The following EDAR variants were observed in gnomAD, a reference collection of about 807,000 sequenced individuals.
EDAR encodes the protein tumor necrosis factor receptor superfamily member EDAR.
A neutral mutation model predicts 51.3 loss-of-function variants in EDAR; 38 were observed. That is an observed-to-expected ratio of 0.74 (90% CI 0.57 to 0.97). The LOEUF is 0.97. EDAR is among the 50% of genes least tolerant of loss of function. The probability of loss-of-function intolerance (pLI) is 0.00; values close to 1 mark genes in which losing one functional copy is unlikely to be tolerated. For synonymous variants in EDAR, 227 were observed against 242.1 expected (o/e 0.94, Z 0.58); for missense variants, 528 against 595.0 (o/e 0.89, Z 1.17).
chr2:108,902,254 T>C (rs939341869), intron 11 of EDAR, among the ~76,000 whole-genome samples: 3 of 150,900 alleles, frequency 2.0e-5, no homozygotes, highest in African/African-American at 7.3e-5. Flanking sequence ...CATGTGCCTA[T>C]AATCCCAGCT....
intron 1 of EDAR, among the ~76,000 whole-genome samples, chr2:108,931,684 A>G (rs1008888208): frequency 4.6e-5 from 7 of 151,978 alleles, no homozygotes; most frequent in Non-Finnish European, 8.8e-5. Context: ...AACTATTAAT[A>G]TTACACGAAT....
intron 6 of EDAR, 128 bp from the exon 7 acceptor site, chr2:108,911,200 G>C: frequency 1.7e-6 from 2 of 1,194,596 alleles, no homozygotes; most frequent in South Asian, 2.6e-5. Flanking sequence ...TGAAATCTGA[G>C]GTGCTTGCTT....
intron 10 of EDAR, among the ~76,000 whole-genome samples, chr2:108,907,094 C>T (rs1696820807): frequency 6.6e-6 from 1 of 152,240 alleles, no homozygotes; most frequent in Non-Finnish European, 1.5e-5. Flanking sequence ...CTCACCCCTG[C>T]CCTGCTCCTG....
chr2:108,912,724 G>A lies in EDAR; in HGVS notation c.483C>T (p.Gly161=), dbSNP rs748598744. The A allele has an allele frequency of 6.9e-6, 11 of 1,602,830 alleles. No homozygotes were observed. The highest frequency in any genetic ancestry group is 1.7e-4 in the Middle Eastern group (1 of 6,048). The change falls in exon 6 of 12, where the codon GGC becomes GGT. Residue 161 remains glycine, a synonymous_variant. Coordinates refer to ENST00000258443, the MANE Select transcript of EDAR (RefSeq NM_022336.4). The stretch of plus-strand genomic sequence containing the variant: ...GAGACAGGGTGCTGCTGCCCGAGGT[G>A]CCAGGGAAGTTGGCAGAAGCTCCTG... ...ATSGASANFP[G]TSGSSTLSPF...
intron 1 of EDAR, among the ~76,000 whole-genome samples, chr2:108,971,235 T>G (rs1174036566): frequency 6.6e-6 from 1 of 152,166 alleles, no homozygotes; most frequent in Non-Finnish European, 1.5e-5. Flanking sequence ...TTTTTATATC[T>G]TTATATTTCT....
At chr2:108,974,593 G>GGT (rs1698290750) in intron 1 of EDAR, among the ~76,000 whole-genome samples, 1 of 151,906 alleles carries the variant, frequency 6.6e-6, no homozygotes. Flanking sequence ...AGCTGGGCAT[G>GGT]GTGGTGTGTG....
intron 1 of EDAR, among the ~76,000 whole-genome samples, chr2:108,961,079 A>G (rs908901166): frequency 2.0e-5 from 3 of 152,214 alleles, no homozygotes; most frequent in African/African-American, 7.2e-5. Context: ...GTGAGCACGC[A>G]TGGATGCAGA....
At chr2:108,957,514 A>C (rs1697949547) in intron 1 of EDAR, among the ~76,000 whole-genome samples, 1 of 152,230 alleles carries the variant, frequency 6.6e-6, no homozygotes. Context: ...TGGTTCTATC[A>C]GGTTCTGCCT....
chr2:108,950,276 TTTC>T (rs975090075), intron 1 of EDAR, among the ~76,000 whole-genome samples: 17 of 149,500 alleles, frequency 1.1e-4, no homozygotes, highest in Admixed American at 2.7e-4. Context: ...TTTTTCTTTC[TTTC>T]TTTTTTTTCT....
chr2:108,917,071 G>A (rs1697041724), intron 5 of EDAR, among the ~76,000 whole-genome samples: 1 of 152,214 alleles, frequency 6.6e-6, no homozygotes. Flanking sequence ...AGGGAGAGGA[G>A]CAAAGACCCT....
intron 1 of EDAR, among the ~76,000 whole-genome samples, chr2:108,956,795 T>C (rs113831184): frequency 6.6e-6 from 1 of 152,088 alleles, no homozygotes; most frequent in Admixed American, 6.5e-5. Context: ...TTTTTTTTTT[T>C]GTTTTTTTTG....
intron 1 of EDAR, among the ~76,000 whole-genome samples, chr2:108,988,061 C>T (rs987543832): frequency 6.6e-6 from 1 of 152,174 alleles, no homozygotes; most frequent in Non-Finnish European, 1.5e-5. Flanking sequence ...GGGAAGAGGA[C>T]GGTGGTGCTC....
In EDAR at chr2:108,973,020, CTT is replaced by C. The variant is rs910819892; in HGVS notation, c.-19+15938_-19+15939del. On this transcript the variant is annotated intron_variant, in intron 1 of 11. Coordinates refer to ENST00000258443, the MANE Select transcript of EDAR (RefSeq NM_022336.4). ...TTTTTTTTTGAGATGGAGTTTCACT[CTT>C]GTCATCCAGGCTAGACTGCAGTGGC... 7.2e-5 allele frequency among the ~76,000 whole-genome samples: 11 copies of C among 151,870 alleles called. 1 individual carries two copies. Among genetic ancestry groups the C allele is most frequent in the African/African-American group, 2.2e-4 (9 of 41,318 alleles).
At chr2:108,943,450 C>T (rs1697647969) in intron 1 of EDAR, among the ~76,000 whole-genome samples, 1 of 152,198 alleles carries the variant, frequency 6.6e-6, no homozygotes, top group Non-Finnish European at 1.5e-5. Context: ...GTATTCATCT[C>T]TCTACCCTGT....
At chr2:108,926,902 T>A (rs921823925) in intron 4 of EDAR, among the ~76,000 whole-genome samples, 3 of 152,126 alleles carry the variant, frequency 2.0e-5, no homozygotes, top group Non-Finnish European at 2.9e-5. Flanking sequence ...CTGCCAAGAC[T>A]CCTGTGATCC....
Position 108,894,693 on chromosome 2 carries a change from AT to A in EDAR, c.*2213del, listed in dbSNP as rs1290714677. 2 of 152,480 alleles carry A rather than the reference AT, an allele frequency of 1.3e-5. No homozygotes were observed. Among genetic ancestry groups the A allele is most frequent in the Non-Finnish European group, 2.9e-5 (2 of 68,032 alleles). 9.4% of individuals were successfully genotyped at this position (152,480 alleles called of 1,614,324 possible). A position where few individuals can be genotyped will look rare whatever the true frequency, so the allele number is the denominator to read the frequency against. On this transcript the variant is annotated 3_prime_UTR_variant, in exon 12 of 12. Coordinates refer to ENST00000258443, the MANE Select transcript of EDAR (RefSeq NM_022336.4). Reference sequence around the variant, plus strand: ...GGTCAGTGAGAATTATTATGATCTCATTGTTCTGAATCCCATAACATAGGCT... The same window carrying A: ...GGTCAGTGAGAATTATTATGATCTCATGTTCTGAATCCCATAACATAGGCT...
intron 1 of EDAR, among the ~76,000 whole-genome samples, chr2:108,937,823 C>T (rs1293844609): frequency 3.9e-5 from 6 of 152,090 alleles, no homozygotes; most frequent in Middle Eastern, 3.2e-3. Context: ...AGTGGACCTG[C>T]GGGGAGAGGC....
intron 1 of EDAR, among the ~76,000 whole-genome samples, chr2:108,971,945 C>T (rs1257930020): frequency 1.3e-5 from 2 of 152,214 alleles, no homozygotes; most frequent in African/African-American, 2.4e-5. Flanking sequence ...CACATAGGGG[C>T]AACAGAGGAG....
intron 1 of EDAR, among the ~76,000 whole-genome samples, chr2:108,951,189 G>A (rs543960363): frequency 6.6e-6 from 1 of 152,258 alleles, no homozygotes; most frequent in Admixed American, 6.5e-5. Context: ...CCTTCTCCTG[G>A]TTATATGAGC....
Sources: allele counts gnomAD v4.1 joint callset (sites outside exome capture counted in the v4.1 genomes callset), GRCh38; gene constraint gnomAD v4.1.1; transcripts MANE v1.5; gene names NCBI Gene and HGNC (gene_info 2026-07-23, HGNC 2026-07-21).